Variants in LHFPL3 observed in about 807,000 individuals in gnomAD.
LHFPL3 encodes the protein LHFPL tetraspan subfamily member 3 protein.
LHFPL3 carries 5 observed loss-of-function variants against 19.3 expected under a neutral mutation model. The ratio of observed to expected loss-of-function variants is 0.26; its 90% CI spans 0.14 to 0.54. The LOEUF is 0.54. Ranked by LOEUF, LHFPL3 falls within the 20% of genes least tolerant of loss-of-function variation. The probability of loss-of-function intolerance (pLI) is 0.94; values close to 1 mark genes in which losing one functional copy is unlikely to be tolerated. For synonymous variants in LHFPL3, 133 were observed against 126.2 expected (o/e 1.05, Z -0.36); for missense variants, 249 against 307.4 (o/e 0.81, Z 1.42).
intron 1 of LHFPL3, among the ~76,000 whole-genome samples, chr7:104,623,332 A>G (rs1482624995): frequency 2.6e-5 from 4 of 152,110 alleles, no homozygotes; most frequent in African/African-American, 9.7e-5. Context: ...ATACTGAATC[A>G]TAAGAGATCT....
intron 2 of LHFPL3, among the ~76,000 whole-genome samples, chr7:104,884,481 G>T (rs1420589107): frequency 6.6e-6 from 1 of 152,134 alleles, no homozygotes; most frequent in Non-Finnish European, 1.5e-5. Context: ...TAGAACCTAG[G>T]AATCTGCATT....
intron 1 of LHFPL3, among the ~76,000 whole-genome samples, chr7:104,722,253 C>T (rs538063611): frequency 3.9e-4 from 60 of 152,262 alleles, no homozygotes; most frequent in African/African-American, 1.4e-3. Context: ...TGATACCGCA[C>T]AATGTGTGGA....
At chr7:104,564,043 A>T (rs1397450550) in intron 1 of LHFPL3, among the ~76,000 whole-genome samples, 3 of 152,204 alleles carry the variant, frequency 2.0e-5, no homozygotes, top group African/African-American at 7.2e-5. Context: ...AACACTACAC[A>T]TACAATATCT....
chr7:104,460,802 C>T (rs1411569648), intron 1 of LHFPL3, among the ~76,000 whole-genome samples: 2 of 152,058 alleles, frequency 1.3e-5, no homozygotes. Flanking sequence ...TGTGTGTTTA[C>T]TCTGTTGATA....
intron 2 of LHFPL3, among the ~76,000 whole-genome samples, chr7:104,850,071 G>C (rs992539518): frequency 6.6e-6 from 1 of 152,220 alleles, no homozygotes; most frequent in African/African-American, 2.4e-5. Flanking sequence ...GGGAGGCCAA[G>C]GTGGGCGGAT....
intron 1 of LHFPL3, among the ~76,000 whole-genome samples, chr7:104,569,769 G>A (rs1790193247): frequency 6.6e-6 from 1 of 152,114 alleles, no homozygotes; most frequent in Non-Finnish European, 1.5e-5. Context: ...CTGTTGTATA[G>A]AACACAAAAC....
At chr7:104,571,516 C>T (rs1345367590) in intron 1 of LHFPL3, among the ~76,000 whole-genome samples, 1 of 152,140 alleles carries the variant, frequency 6.6e-6, no homozygotes, top group Non-Finnish European at 1.5e-5. Context: ...CTTGAAGTTC[C>T]TGGCAAGTGA....
chr7:104,755,151 C>G (rs996689582), intron 2 of LHFPL3, among the ~76,000 whole-genome samples: 2 of 152,148 alleles, frequency 1.3e-5, no homozygotes, highest in African/African-American at 4.8e-5. Flanking sequence ...CCACATGTCT[C>G]TCATTTTCTT....
chr7:104,754,816 T>C (rs1220161706), intron 2 of LHFPL3, among the ~76,000 whole-genome samples: 2 of 152,182 alleles, frequency 1.3e-5, no homozygotes, highest in East Asian at 3.8e-4. Flanking sequence ...ATCTTTCCCA[T>C]AGGAATCTCT....
At chr7:104,799,995 C>G (rs1457210274) in intron 2 of LHFPL3, 1 of 152,628 alleles carries the variant, frequency 6.6e-6, no homozygotes, top group South Asian at 2.1e-4. Context: ...CTATTTTGTT[C>G]TTCCAGGTGA....
intron 1 of LHFPL3, among the ~76,000 whole-genome samples, chr7:104,372,170 T>C (rs963783041): frequency 1.1e-4 from 16 of 152,084 alleles, no homozygotes; most frequent in Admixed American, 2.6e-4. Context: ...TAGCTGGAGG[T>C]GCTCATGTAT....
intron 1 of LHFPL3, among the ~76,000 whole-genome samples, chr7:104,535,512 A>T (rs1458198277): frequency 2.0e-5 from 3 of 152,216 alleles, no homozygotes; most frequent in African/African-American, 4.8e-5. Flanking sequence ...TAAATCCTTG[A>T]TAACTCATAC....
rs1215650774 is a variant in LHFPL3, at chr7:104,398,814, AC to A, written c.445+69592del. The stretch of plus-strand genomic sequence containing the variant: ...TCTTCGCTGGCAGATTTCTGTTGTC[AC>A]CTCCTTCTGGAAATGTTTTCTGATG... On this transcript the variant is annotated intron_variant, in intron 1 of 2. Coordinates refer to ENST00000424859, the MANE Select transcript of LHFPL3 (RefSeq NM_199000.3). Among the ~76,000 whole-genome samples the A allele has an allele frequency of 5.4e-5, 8 of 148,470 alleles. No homozygotes were observed. The East Asian group carries it at 1.6e-3, about 29-fold the overall frequency.
intron 1 of LHFPL3, among the ~76,000 whole-genome samples, chr7:104,676,937 A>T (rs1045821817): frequency 3.3e-5 from 5 of 152,238 alleles, no homozygotes; most frequent in Admixed American, 3.3e-4. Flanking sequence ...TTCAACTACA[A>T]AGATGTTTAC....
intron 1 of LHFPL3, chr7:104,668,893 G>A (rs1296411733): frequency 3.1e-6 from 5 of 1,612,220 alleles, no homozygotes; most frequent in Non-Finnish European, 4.2e-6. Context: ...GAAGGAACAA[G>A]AGAAGTTGCA....
chr7:104,759,376 T>A (rs12671143), intron 2 of LHFPL3, among the ~76,000 whole-genome samples: 35,891 of 151,900 alleles, frequency 0.24, 4,485 homozygotes, highest in South Asian at 0.48. Context: ...AATTTTTTTT[T>A]AAAAAAAGGT....
chr7:104,614,735 CTT>C (rs1271237480), intron 1 of LHFPL3, among the ~76,000 whole-genome samples: 55 of 123,644 alleles, frequency 4.4e-4, no homozygotes, highest in African/African-American at 1.7e-3. Flanking sequence ...TTCTTTCTTT[CTT>C]TCTCTTTCTC....
At chr7:104,855,917 T>G (rs1009873224) in intron 2 of LHFPL3, among the ~76,000 whole-genome samples, 2 of 152,156 alleles carry the variant, frequency 1.3e-5, no homozygotes, top group African/African-American at 4.8e-5. Context: ...CAGATCTTTA[T>G]AGCAAATCCT....
intron 2 of LHFPL3, among the ~76,000 whole-genome samples, chr7:104,746,630 G>T (rs2045028729): frequency 6.6e-6 from 1 of 152,180 alleles, no homozygotes; most frequent in African/African-American, 2.4e-5. Flanking sequence ...TGGAAACAGA[G>T]CTCTCTGCCA....
Sources: allele counts gnomAD v4.1 joint callset (sites outside exome capture counted in the v4.1 genomes callset), GRCh38; gene constraint gnomAD v4.1.1; transcripts MANE v1.5; gene names NCBI Gene and HGNC (gene_info 2026-07-23, HGNC 2026-07-21).